The following KIAA0513 variants were observed in gnomAD, a reference collection of about 807,000 sequenced individuals.
KIAA0513 encodes KIAA0513, also known as uncharacterized protein KIAA0513.
Under a neutral mutation model 56.5 loss-of-function variants are expected in KIAA0513, and 39 were observed. The ratio of observed to expected loss-of-function variants is 0.69; its 90% CI spans 0.53 to 0.90. The LOEUF (loss-of-function observed/expected upper bound fraction) is 0.90, where lower values mean the gene tolerates loss of function less well. KIAA0513 is among the 40% of genes least tolerant of loss of function. The pLI is 0.00. For synonymous variants in KIAA0513, 268 were observed against 215.6 expected, an observed-to-expected ratio of 1.24 and a Z score of -2.13; for missense variants, 591 against 535.2, an observed-to-expected ratio of 1.10 and a Z score of -1.03.
At chr16:85,041,996 G>T (rs533603914) in intron 1 of KIAA0513, among the ~76,000 whole-genome samples, 1 of 152,216 alleles carries the variant, frequency 6.6e-6, no homozygotes, top group Admixed American at 6.5e-5. Flanking sequence ...CTACCCATTT[G>T]CCAGAAGCCT....
intron 2 of KIAA0513, among the ~76,000 whole-genome samples, chr16:85,069,310 A>C (rs2073537161): frequency 1.3e-5 from 2 of 151,390 alleles, no homozygotes; most frequent in African/African-American, 4.9e-5. Flanking sequence ...TTCTGGCCTT[A>C]AGCAGTCCTC....
intron 1 of KIAA0513, among the ~76,000 whole-genome samples, chr16:85,051,717 A>C (rs1474831703): frequency 6.6e-6 from 1 of 151,954 alleles, no homozygotes; most frequent in Non-Finnish European, 1.5e-5. Context: ...ACCCTTGCTC[A>C]TGTGATATGA....
chr16:85,032,932 C>T (rs2072985867), intron 1 of KIAA0513, among the ~76,000 whole-genome samples: 1 of 151,974 alleles, frequency 6.6e-6, no homozygotes, highest in African/African-American at 2.4e-5. Flanking sequence ...CCCGGCCCCA[C>T]AGAGACCCTA....
rs199615860 is a variant in KIAA0513, at chr16:85,078,452, G to A, written c.820G>A (p.Ala274Thr). 12 of 1,613,660 alleles carry A rather than the reference G, an allele frequency of 7.4e-6. No individual in the cohort carries two copies. In the East Asian group the frequency reaches 2.0e-4, roughly 27 times the overall value. Residue 274 changes from alanine to threonine, a missense_variant, in exon 7 of 13, where the codon GCT becomes ACT. Ala to Thr is a moderately conservative substitution (Grantham distance 58). Transcript: ENST00000683363. The part of the protein sequence containing the change: ...ENKPQEKRPR[A>T]VTAYSPEDEK... The stretch of plus-strand genomic sequence containing the variant: ...CAAACCCCAGGAGAAGCGGCCCAGG[G>A]CTGGTGAGTCTGCCCAGGCAGCAGC...
intron 1 of KIAA0513, among the ~76,000 whole-genome samples, chr16:85,041,522 G>C (rs2073103421): frequency 6.6e-6 from 1 of 152,318 alleles, no homozygotes; most frequent in East Asian, 1.9e-4. Flanking sequence ...ATTCATCTTT[G>C]TTTCGTAGGA....
Position 85,070,187 on chromosome 16 carries a change from A to AAAG in KIAA0513, c.330-1594_330-1593insGAA, listed in dbSNP as rs1555523563. The stretch of plus-strand genomic sequence containing the variant: ...CCCTGTCTCAAAAAAAAAAAAAGAA[A>AAAG]AAAGAAAGAAATTTTGCGTTTTACT... On this transcript the variant is annotated intron_variant, in intron 2 of 12. Transcript: ENST00000683363. Among the ~76,000 whole-genome samples, 113 of 147,564 alleles carry AAAG rather than the reference A, an allele frequency of 7.7e-4. 1 individual carries two copies. In the East Asian group the frequency reaches 0.011, roughly 15 times the overall value.
chr16:85,030,400 A>AC (rs1421953478), intron 1 of KIAA0513, among the ~76,000 whole-genome samples: 6 of 151,960 alleles, frequency 3.9e-5, no homozygotes, highest in African/African-American at 7.3e-5. Context: ...TTTATTCGAA[A>AC]CCGTTTTTTA....
At chr16:85,034,982 A>G (rs1001716823) in intron 1 of KIAA0513, among the ~76,000 whole-genome samples, 1 of 152,188 alleles carries the variant, frequency 6.6e-6, no homozygotes, top group Non-Finnish European at 1.5e-5. Flanking sequence ...AGTGCTCTGC[A>G]GGGCGCTGGG....
intron 1 of KIAA0513, among the ~76,000 whole-genome samples, chr16:85,042,017 G>C (rs1306633245): frequency 6.6e-6 from 1 of 152,172 alleles, no homozygotes; most frequent in Non-Finnish European, 1.5e-5. Context: ...GAAGTCTCAT[G>C]TAACCCTGAC....
chr16:85,052,622 C>G (rs1264992527), intron 1 of KIAA0513, among the ~76,000 whole-genome samples: 3 of 152,182 alleles, frequency 2.0e-5, no homozygotes, highest in Non-Finnish European at 4.4e-5. Flanking sequence ...ACGTGGCTAA[C>G]CACAGTACTG....
intron 1 of KIAA0513, among the ~76,000 whole-genome samples, chr16:85,048,221 C>T (rs2073198103): frequency 6.6e-6 from 1 of 152,172 alleles, no homozygotes; most frequent in Admixed American, 6.5e-5. Context: ...TCCATGTGCA[C>T]CTTGCAGAGG....
At chr16:85,033,371 AG>A (rs1216611798) in intron 1 of KIAA0513, among the ~76,000 whole-genome samples, 1 of 152,194 alleles carries the variant, frequency 6.6e-6, no homozygotes, top group Non-Finnish European at 1.5e-5. Flanking sequence ...TGCACTCTGC[AG>A]GGGCCCAGAG....
Position 85,089,507 on chromosome 16 carries a change from A to AC in KIAA0513, c.*1186dup, listed in dbSNP as rs2073846525. ...GGCCAGCCCATGGGCCCGGGGCCTGACCCCAACACCTGCATGCTGGGTCCA... is the reference window on the plus strand; with the variant it reads ...GGCCAGCCCATGGGCCCGGGGCCTGACCCCCAACACCTGCATGCTGGGTCCA... On this transcript the variant is annotated 3_prime_UTR_variant, in exon 13 of 13. Coordinates refer to ENST00000683363, the MANE Select transcript of KIAA0513 (RefSeq NM_001388359.1). This position sits in a 1 kb window ranked among gnomAD's most constrained non-coding sequence, Gnocchi z 4.2. The AC allele has an allele frequency of 6.6e-6, 1 of 152,464 alleles. No individual in the cohort carries two copies. The highest frequency in any genetic ancestry group is 1.5e-5 in the Non-Finnish European group (1 of 68,264). 9.4% of individuals were successfully genotyped at this position (152,464 alleles called of 1,614,324 possible).
chr16:85,056,239 C>T (rs1471211162), intron 1 of KIAA0513, among the ~76,000 whole-genome samples: 2 of 152,230 alleles, frequency 1.3e-5, no homozygotes, highest in African/African-American at 4.8e-5. Flanking sequence ...AGGAGCCATG[C>T]CTTCCTAAGC....
intron 1 of KIAA0513, among the ~76,000 whole-genome samples, chr16:85,046,136 T>C (rs1161927372): frequency 6.6e-6 from 1 of 152,214 alleles, no homozygotes; most frequent in East Asian, 1.9e-4. Context: ...CTGTTTGAGC[T>C]TTATATAGAG....
intron 1 of KIAA0513, among the ~76,000 whole-genome samples, chr16:85,048,180 G>C (rs1389428190): frequency 6.6e-6 from 1 of 152,302 alleles, no homozygotes; most frequent in South Asian, 2.1e-4. Context: ...TGGGCCTCTG[G>C]AGCCCATCCC....
intron 1 of KIAA0513, among the ~76,000 whole-genome samples, chr16:85,035,394 C>T (rs1269722993): frequency 6.6e-6 from 1 of 152,180 alleles, no homozygotes; most frequent in Non-Finnish European, 1.5e-5. Context: ...TCTGTGGGGA[C>T]CCTCCTCTCC....
chr16:85,057,967 C>A (rs182151288), intron 1 of KIAA0513, among the ~76,000 whole-genome samples: 236 of 152,218 alleles, frequency 1.6e-3, no homozygotes, highest in African/African-American at 5.4e-3. Context: ...GCAGTGCTCC[C>A]CACAGGAGTA....
At chr16:85,031,387 G>C (rs1426158427) in intron 1 of KIAA0513, among the ~76,000 whole-genome samples, 2 of 152,172 alleles carry the variant, frequency 1.3e-5, no homozygotes, top group African/African-American at 4.8e-5. Context: ...GGGAGGCTGG[G>C]GTGGGAGGAT....
Sources: gnomAD v4.1 joint callset for allele counts (sites outside exome capture counted in the v4.1 genomes callset) on GRCh38, gnomAD v4.1.1 for gene constraint, Gnocchi (gnomAD v3.1) non-coding constraint, MANE v1.5 for transcripts, NCBI Gene and HGNC (gene_info 2026-07-23, HGNC 2026-07-21) for gene names.